Variants in CFAP43 observed in about 807,000 individuals in gnomAD.
The protein encoded by CFAP43 is cilia- and flagella-associated protein 43.
In CFAP43, 155 loss-of-function variants were observed where a neutral mutation model predicts 218.9. That is an observed-to-expected ratio of 0.71 (90% CI 0.62 to 0.81). The LOEUF (loss-of-function observed/expected upper bound fraction) is 0.81, where lower values mean the gene tolerates loss of function less well. Ranked by LOEUF, CFAP43 falls within the 30% of genes least tolerant of loss-of-function variation. The pLI, the probability that CFAP43 is intolerant of heterozygous loss-of-function variation, is 0.00. For synonymous variants in CFAP43, 645 were observed against 681.3 expected (o/e 0.95, Z 0.83); for missense variants, 1,778 against 1,954.3 (o/e 0.91, Z 1.70).
At chr10:104,168,646 T>C (rs1033561781) in intron 21 of CFAP43, 98 bp downstream of exon 21, 3 of 973,752 alleles carry the variant, frequency 3.1e-6, no homozygotes, top group Admixed American at 3.8e-5. Context: ...TCTCAGTGCT[T>C]TGCTATGCCT....
chr10:104,131,192 A>C, intron 37 of CFAP43, 139 bp downstream of exon 37: 5 of 1,106,496 alleles, frequency 4.5e-6, no homozygotes, highest in Non-Finnish European at 6.3e-6. Flanking sequence ...CCCTGAATCT[A>C]AAATAAAAGT....
intron 19 of CFAP43, among the ~76,000 whole-genome samples, chr10:104,175,208 A>C (rs1213383610): frequency 6.6e-6 from 1 of 152,154 alleles, no homozygotes; most frequent in Non-Finnish European, 1.5e-5. Context: ...GCCAAGGCAG[A>C]AGGCTAGGAA....
chr10:104,223,443 T>C (rs1003975976), intron 3 of CFAP43, among the ~76,000 whole-genome samples: 1 of 152,210 alleles, frequency 6.6e-6, no homozygotes, highest in Non-Finnish European at 1.5e-5. Context: ...TTAGGAGACA[T>C]TGATGTACCC....
rs780131886 is a variant in CFAP43, at chr10:104,193,816, C to T, written c.1442+50G>A. ...GAAAGGATGGCTTCACTAGAATTTT[C>T]AACAGACGGGTGTGACACGGAGCCG... On this transcript the variant is annotated intron_variant, in intron 11 of 37. Coordinates refer to ENST00000357060, the MANE Select transcript of CFAP43 (RefSeq NM_025145.7). 1.9e-6 allele frequency: 3 copies of T among 1,571,500 alleles called. No individual in the cohort carries two copies. The South Asian group carries it at 3.5e-5, about 18-fold the overall frequency.
chr10:104,169,444 T>C (rs894172525), intron 20 of CFAP43, among the ~76,000 whole-genome samples: 8 of 152,206 alleles, frequency 5.3e-5, no homozygotes, highest in African/African-American at 1.4e-4. Flanking sequence ...ATCTGTGTTT[T>C]TTTCCACTTA....
intron 20 of CFAP43, among the ~76,000 whole-genome samples, chr10:104,169,162 G>T (rs560906766): frequency 5.9e-5 from 9 of 152,212 alleles, no homozygotes; most frequent in Non-Finnish European, 1.3e-4. Flanking sequence ...CACTGTGGTG[G>T]TGAGCTGCGT....
chr10:104,215,864 C>G (rs1278673252), intron 3 of CFAP43, among the ~76,000 whole-genome samples: 2 of 152,170 alleles, frequency 1.3e-5, no homozygotes, highest in African/African-American at 4.8e-5. Context: ...CGCCTCCTCT[C>G]CCCTTACAAT....
At chr10:104,163,422 T>G (rs912815268) in intron 24 of CFAP43, among the ~76,000 whole-genome samples, 5 of 152,260 alleles carry the variant, frequency 3.3e-5, no homozygotes, top group Admixed American at 3.3e-4. Flanking sequence ...TGGTTTTATG[T>G]GAGAAAAGGT....
At position 104,172,480 on chromosome 10, in the gene CFAP43, T is replaced by C. The variant is rs2089452239; in HGVS notation, c.2516A>G (p.Gln839Arg). 1.2e-6 allele frequency: 2 copies of C among 1,607,830 alleles called. No individual in the cohort carries two copies. Among genetic ancestry groups the C allele is most frequent in the Non-Finnish European group, 1.7e-6 (2 of 1,178,472 alleles). The change falls in exon 20 of 38, where the codon CAA becomes CGA. Residue 839 changes from glutamine to arginine, a missense_variant. Physicochemically the swap from Gln to Arg is conservative, Grantham distance 43. Coordinates refer to ENST00000357060, the MANE Select transcript of CFAP43 (RefSeq NM_025145.7). ...DKLENIAKLD[Q>R]QEFGLDLEEL... ...CTCAAGATCCAGACCAAATTCCTGT[T>C]GGTCTAATTTTGCAATATTTTCTAG... is the stretch of plus-strand genomic sequence containing the variant.
intron 19 of CFAP43, among the ~76,000 whole-genome samples, chr10:104,172,842 AAG>A (rs1454165238): frequency 1.3e-5 from 2 of 152,174 alleles, no homozygotes; most frequent in African/African-American, 4.8e-5. Context: ...TATGTGTTTT[AAG>A]AGTCTTTATC....
intron 28 of CFAP43, 55 bp downstream of exon 28, chr10:104,152,552 C>G (rs1016802600): frequency 1.1e-5 from 18 of 1,602,090 alleles, no homozygotes; most frequent in Admixed American, 1.1e-4. Flanking sequence ...TCCTAAGAAC[C>G]ATGGAAGGGC....
chr10:104,162,719 G>T (rs890269819), intron 24 of CFAP43, among the ~76,000 whole-genome samples: 6 of 151,748 alleles, frequency 4.0e-5, no homozygotes, highest in African/African-American at 1.5e-4. Flanking sequence ...AAGGATGGGG[G>T]TCCTAAGAGG....
intron 19 of CFAP43, 21 bp from the exon 20 acceptor site, chr10:104,172,556 G>A (rs2089455686): frequency 1.9e-6 from 3 of 1,572,310 alleles, no homozygotes; most frequent in Middle Eastern, 1.7e-4. Context: ...AAATAAAAAA[G>A]AGTGCTGACA....
intron 3 of CFAP43, chr10:104,218,709 T>C (rs1589805518): frequency 2.0e-6 from 1 of 503,994 alleles, no homozygotes; most frequent in East Asian, 4.5e-5. Flanking sequence ...ATGCAAGCCC[T>C]GCATTTCAAC....
At chr10:104,200,706 G>T (rs1334383815) in intron 8 of CFAP43, among the ~76,000 whole-genome samples, 1 of 147,810 alleles carries the variant, frequency 6.8e-6, no homozygotes, top group Non-Finnish European at 1.5e-5. Context: ...AGACCCAAAG[G>T]AAATGAGGAA....
intron 27 of CFAP43, among the ~76,000 whole-genome samples, chr10:104,160,187 T>C (rs1313292245): frequency 1.3e-5 from 2 of 152,208 alleles, no homozygotes; most frequent in Admixed American, 1.3e-4. Context: ...GTAAATGTAG[T>C]TGATAGGTCA....
At chr10:104,135,195 T>A (rs980977373) in intron 34 of CFAP43, among the ~76,000 whole-genome samples, 13 of 151,514 alleles carry the variant, frequency 8.6e-5, no homozygotes, top group Non-Finnish European at 2.9e-5. Flanking sequence ...TTAAAAAAAA[T>A]ATATGCAACA....
At chr10:104,198,799 C>T (rs528824989) in intron 8 of CFAP43, among the ~76,000 whole-genome samples, 9 of 151,830 alleles carry the variant, frequency 5.9e-5, no homozygotes, top group East Asian at 1.9e-4. Context: ...TACAGGTGCC[C>T]GCCACTGTGC....
At position 104,179,856 on chromosome 10, in the gene CFAP43, T is replaced by G; in HGVS notation, c.2366A>C (p.Gln789Pro). 1 of 1,613,660 alleles carries G rather than the reference T, an allele frequency of 6.2e-7. No individual in the cohort carries two copies. The highest frequency in any genetic ancestry group is 8.5e-7 in the Non-Finnish European group (1 of 1,179,770). ...TDVKKEIPWIQQKSQEAIKKE... is the reference protein window; with the variant it reads ...TDVKKEIPWIPQKSQEAIKKE... ...CACAAATACCTCTTGGCTTTTTTGT[T>G]GTATCCAAGGAATTTCCTTCTTAAC... is the stretch of plus-strand genomic sequence containing the variant. Residue 789 changes from glutamine to proline, a missense_variant, in exon 18 of 38, where the codon CAA becomes CCA. Gln to Pro is a moderately conservative substitution (Grantham distance 76). Coordinates refer to ENST00000357060, the MANE Select transcript of CFAP43 (RefSeq NM_025145.7).
Sources: allele counts gnomAD v4.1 joint callset (sites outside exome capture counted in the v4.1 genomes callset), GRCh38; gene constraint gnomAD v4.1.1; transcripts MANE v1.5; gene names NCBI Gene and HGNC (gene_info 2026-07-23, HGNC 2026-07-21).